Variants in RGS7 observed in about 807,000 individuals in gnomAD.
RGS7 encodes regulator of G protein signaling 7.
Under a neutral mutation model 81.1 loss-of-function variants are expected in RGS7, and 27 were observed. The observed-to-expected ratio is 0.33, with a 90% CI of 0.25 to 0.46. RGS7 has a LOEUF of 0.46. Among genes scored for constraint, RGS7 ranks in the 20% least tolerant of loss-of-function variants. The pLI is 1.00. For synonymous variants in RGS7, 208 were observed against 207.7 expected, an observed-to-expected ratio of 1.00 and a Z score of -0.01; for missense variants, 396 against 607.4, an observed-to-expected ratio of 0.65 and a Z score of 3.66.
intron 2 of RGS7, among the ~76,000 whole-genome samples, chr1:241,339,517 C>T (rs1267514936): frequency 6.6e-6 from 1 of 152,122 alleles, no homozygotes; most frequent in Non-Finnish European, 1.5e-5. Flanking sequence ...AGTTTGGATG[C>T]AAGTGACAGA....
chr1:240,905,389 A>C (rs905503120), intron 6 of RGS7, among the ~76,000 whole-genome samples: 4 of 152,220 alleles, frequency 2.6e-5, no homozygotes, highest in African/African-American at 9.6e-5. Flanking sequence ...AACCAGAAAG[A>C]AGCAGCGACA....
rs925621268 is a variant in RGS7, at chr1:241,357,121, C to T, written c.-273G>A. ...GGCTCCGGCAGCCGCCACTCGCGCC[C>T]GCTCCCCTGGGCCGCCTCGCTGGCT... On this transcript the variant is annotated 5_prime_UTR_variant, in exon 1 of 19. Transcript: ENST00000440928. 3.3e-5 allele frequency: 5 copies of T among 152,272 alleles called. No individual in the cohort carries two copies. The highest frequency in any genetic ancestry group is 5.9e-5 in the Non-Finnish European group (4 of 68,234). The allele number at this position is 152,272 out of a possible 1,614,324, so 9.4% of individuals were successfully genotyped here. A position where few individuals can be genotyped will look rare whatever the true frequency, so the allele number is the denominator to read the frequency against.
At chr1:241,108,413 A>G (rs973663469) in intron 2 of RGS7, among the ~76,000 whole-genome samples, 1 of 152,200 alleles carries the variant, frequency 6.6e-6, no homozygotes, top group Admixed American at 6.5e-5. Flanking sequence ...TGAAAGACAG[A>G]AAGACGGAAG....
At chr1:240,969,654 A>G (rs1682884375) in intron 4 of RGS7, among the ~76,000 whole-genome samples, 1 of 152,262 alleles carries the variant, frequency 6.6e-6, no homozygotes. Flanking sequence ...GAGAGAGGTC[A>G]CAAAACTCTG....
At chr1:241,036,204 A>T (rs2060316632) in intron 3 of RGS7, among the ~76,000 whole-genome samples, 1 of 152,172 alleles carries the variant, frequency 6.6e-6, no homozygotes, top group East Asian at 1.9e-4. Context: ...CATCCATGTC[A>T]AACTATGTCT....
chr1:240,834,568 G>T (rs1405438072), intron 9 of RGS7, among the ~76,000 whole-genome samples: 6 of 151,986 alleles, frequency 3.9e-5, no homozygotes, highest in Non-Finnish European at 7.4e-5. Flanking sequence ...TGGAGTGCAG[G>T]GGCGTGACCT....
intron 4 of RGS7, among the ~76,000 whole-genome samples, chr1:240,949,208 T>G (rs1679144890): frequency 6.6e-6 from 1 of 152,212 alleles, no homozygotes; most frequent in Non-Finnish European, 1.5e-5. Flanking sequence ...CACCTTTCAA[T>G]TTTGATTTGT....
intron 2 of RGS7, among the ~76,000 whole-genome samples, chr1:241,308,876 G>A (rs71648648): frequency 0.026 from 3,911 of 152,206 alleles, 65 homozygotes; most frequent in Non-Finnish European, 0.039. Context: ...TTAAAAAATT[G>A]CAGGAACTCA....
intron 18 of RGS7, among the ~76,000 whole-genome samples, chr1:240,779,109 GTGTGT>G (rs1683512413): frequency 6.8e-6 from 1 of 147,290 alleles, no homozygotes; most frequent in African/African-American, 2.7e-5. Context: ...TTGTGTGTGT[GTGTGT>G]GTGTGTGTGT....
At chr1:241,132,918 A>T (rs1168970276) in intron 2 of RGS7, among the ~76,000 whole-genome samples, 1 of 152,016 alleles carries the variant, frequency 6.6e-6, no homozygotes, top group Non-Finnish European at 1.5e-5. Flanking sequence ...GCCCACCACC[A>T]AGCCCGGCTA....
chr1:241,285,021 C>T (rs900525481), intron 2 of RGS7, among the ~76,000 whole-genome samples: 3 of 152,092 alleles, frequency 2.0e-5, no homozygotes, highest in South Asian at 4.1e-4. Context: ...CAGGCACCCA[C>T]CACAATGCCC....
At chr1:240,975,131 C>T (rs1394038100) in intron 4 of RGS7, among the ~76,000 whole-genome samples, 6 of 152,044 alleles carry the variant, frequency 3.9e-5, no homozygotes, top group East Asian at 3.9e-4. Flanking sequence ...CGGCCGGGTG[C>T]GGTGGCTCAC....
chr1:240,794,097 T>G (rs916572788), intron 18 of RGS7, among the ~76,000 whole-genome samples: 1 of 152,092 alleles, frequency 6.6e-6, no homozygotes, highest in Non-Finnish European at 1.5e-5. Context: ...TGTCCTATGA[T>G]GAGTGTTTTG....
intron 2 of RGS7, among the ~76,000 whole-genome samples, chr1:241,166,954 G>A (rs988153084): frequency 1.3e-5 from 2 of 152,162 alleles, no homozygotes; most frequent in African/African-American, 4.8e-5. Context: ...AGTAAAATGT[G>A]TTAATTGCTA....
At chr1:241,346,420 G>A (rs2082901843) in intron 2 of RGS7, among the ~76,000 whole-genome samples, 1 of 152,190 alleles carries the variant, frequency 6.6e-6, no homozygotes, top group East Asian at 1.9e-4. Context: ...GTAATGAATG[G>A]ACTTGAATTC....
At chr1:241,206,209 C>T (rs977851600) in intron 2 of RGS7, among the ~76,000 whole-genome samples, 7 of 151,138 alleles carry the variant, frequency 4.6e-5, no homozygotes, top group African/African-American at 1.7e-4. Flanking sequence ...GATCCATTTG[C>T]CCCATGACTT....
intron 3 of RGS7, among the ~76,000 whole-genome samples, chr1:241,020,065 A>G (rs1217038109): frequency 1.3e-5 from 2 of 152,224 alleles, no homozygotes; most frequent in African/African-American, 4.8e-5. Flanking sequence ...TGAGAATGTT[A>G]GCAAGTTACT....
intron 2 of RGS7, among the ~76,000 whole-genome samples, chr1:241,207,735 C>T (rs886287542): frequency 1.3e-5 from 2 of 152,096 alleles, no homozygotes; most frequent in African/African-American, 4.8e-5. Context: ...TCTTATTCTC[C>T]AAAATCTTCC....
chr1:240,787,961 G>A (rs141165021), intron 18 of RGS7, among the ~76,000 whole-genome samples: 137 of 152,238 alleles, frequency 9.0e-4, no homozygotes, highest in Non-Finnish European at 1.4e-3. Flanking sequence ...ATATATGCTG[G>A]CTGGGCCATA....
Sources: allele counts gnomAD v4.1 joint callset (sites outside exome capture counted in the v4.1 genomes callset), GRCh38; gene constraint gnomAD v4.1.1; transcripts MANE v1.5; gene names NCBI Gene and HGNC (gene_info 2026-07-23, HGNC 2026-07-21).